The following SOX6 variants were observed in gnomAD, a reference collection of about 807,000 sequenced individuals.
SOX6 encodes the protein SRY-box transcription factor 6.
A neutral mutation model predicts 97.8 loss-of-function variants in SOX6; 11 were observed. The observed-to-expected ratio is 0.11, with a 90% CI of 0.07 to 0.19. The LOEUF is 0.19. Ranked by LOEUF, SOX6 falls within the 10% of genes least tolerant of loss-of-function variation. The pLI is 1.00. For synonymous variants in SOX6, 360 were observed against 371.4 expected (o/e 0.97, Z 0.35); for missense variants, 810 against 1,039.5 (o/e 0.78, Z 3.04).
chr11:16,229,171 T>C (rs938452964), intron 4 of SOX6, among the ~76,000 whole-genome samples: 1 of 152,102 alleles, frequency 6.6e-6, no homozygotes, highest in African/African-American at 2.4e-5. Context: ...TAAGAGAATA[T>C]GTGCAGTTAA....
At position 16,605,490 on chromosome 11, in the gene SOX6, G is replaced by T. The variant is rs1192908369; in HGVS notation, n.609+6591C>A. On this transcript the variant is annotated intron_variant and non_coding_transcript_variant, in intron 4 of 5. Coordinates refer to the SOX6 transcript ENST00000524520. The surrounding 1 kb of genome is among the most constrained non-coding windows in gnomAD (Gnocchi z 5.3). Reference sequence around the variant, plus strand: ...AAAAACGGGGGGAGGGGGAAGGAAGGGCGACAAGCGGAGGGAGCTGGAGGC... The same window carrying T: ...AAAAACGGGGGGAGGGGGAAGGAAGTGCGACAAGCGGAGGGAGCTGGAGGC... 6.6e-6 allele frequency among the ~76,000 whole-genome samples: 1 copy of T among 152,254 alleles called. No homozygotes were observed. Among genetic ancestry groups the T allele is most frequent in the Non-Finnish European group, 1.5e-5 (1 of 68,014 alleles).
chr11:16,680,949 T>C (rs1762152619), intron 3 of SOX6, among the ~76,000 whole-genome samples: 1 of 152,070 alleles, frequency 6.6e-6, no homozygotes, highest in Non-Finnish European at 1.5e-5. Flanking sequence ...AGCACCCAGA[T>C]TCATAAAAAC....
intron 4 of SOX6, among the ~76,000 whole-genome samples, chr11:16,499,935 A>G (rs1321408924): frequency 1.3e-5 from 2 of 152,224 alleles, no homozygotes; most frequent in African/African-American, 4.8e-5. Flanking sequence ...ATAGAAAAAG[A>G]GGGAATCCTC....
chr11:16,498,333 G>A lies in SOX6; in HGVS notation n.610-21945C>T, dbSNP rs565650455. ...GCACTAAACATGGAAAGGAACAACC[G>A]GTACCAGCCACTGCAAAAACATGCC... On this transcript the variant is annotated intron_variant and non_coding_transcript_variant, in intron 4 of 5. Transcript: ENST00000524520. Among the ~76,000 whole-genome samples, 977 of 152,192 alleles carry A rather than the reference G, an allele frequency of 6.4e-3. 4 individuals are homozygous for A. The highest frequency in any genetic ancestry group is 9.3e-3 in the Non-Finnish European group (635 of 68,014).
intron 3 of SOX6, among the ~76,000 whole-genome samples, chr11:16,240,867 A>G (rs1191127516): frequency 1.3e-5 from 2 of 152,074 alleles, no homozygotes; most frequent in Non-Finnish European, 2.9e-5. Flanking sequence ...AGCCCTAACT[A>G]CAGTGCAGTG....
intron 1 of SOX6, among the ~76,000 whole-genome samples, chr11:16,387,378 G>T (rs1007986208): frequency 1.3e-5 from 2 of 151,898 alleles, no homozygotes. Flanking sequence ...CACAAATCTT[G>T]CAAAAGATGC....
chr11:16,680,223 C>T (rs1054352976), intron 3 of SOX6, among the ~76,000 whole-genome samples: 1 of 152,170 alleles, frequency 6.6e-6, no homozygotes, highest in African/African-American at 2.4e-5. Flanking sequence ...AGTCGGGTTA[C>T]CCACAAAGGG....
intron 13 of SOX6, among the ~76,000 whole-genome samples, chr11:16,008,390 C>A (rs1312981103): frequency 6.6e-6 from 1 of 151,976 alleles, no homozygotes; most frequent in Non-Finnish European, 1.5e-5. Flanking sequence ...AAAAGCAGAT[C>A]TTTTTTTGTG....
upstream of SOX6, among the ~76,000 whole-genome samples, chr11:16,358,129 T>C (rs1305519432): frequency 6.6e-6 from 1 of 152,156 alleles, no homozygotes; most frequent in Admixed American, 6.6e-5. Flanking sequence ...AAAAAGCTGA[T>C]TTACTCCCCA....
At chr11:16,340,871 T>G in intron 2 of SOX6, 141 bp downstream of exon 2, 1 of 1,178,896 alleles carries the variant, frequency 8.5e-7, no homozygotes, top group Non-Finnish European at 1.2e-6. Context: ...TATTAGTATC[T>G]TAGTAATATG....
intron 3 of SOX6, among the ~76,000 whole-genome samples, chr11:16,296,845 T>G (rs1020702206): frequency 2.0e-5 from 3 of 152,016 alleles, no homozygotes; most frequent in Admixed American, 1.3e-4. Context: ...CTGGGTAATG[T>G]TATGGGCACA....
chr11:16,516,120 T>C (rs1860967045), intron 4 of SOX6, among the ~76,000 whole-genome samples: 1 of 149,894 alleles, frequency 6.7e-6, no homozygotes, highest in Admixed American at 6.7e-5. Flanking sequence ...TGGCATTGAA[T>C]CTGTAAATTA....
At chr11:16,368,479 C>T (rs761080915) in intron 1 of SOX6, among the ~76,000 whole-genome samples, 45 of 152,160 alleles carry the variant, frequency 3.0e-4, no homozygotes, top group Non-Finnish European at 5.7e-4. Context: ...GAGACCCTGT[C>T]TCAAAAATCA....
chr11:16,118,085 C>G (rs754030536), intron 6 of SOX6, among the ~76,000 whole-genome samples: 1 of 152,052 alleles, frequency 6.6e-6, no homozygotes, highest in Non-Finnish European at 1.5e-5. Flanking sequence ...CTAGATGTGG[C>G]CAAAATATAT....
intron 4 of SOX6, among the ~76,000 whole-genome samples, chr11:16,225,350 G>C (rs768225376): frequency 2.0e-5 from 3 of 151,544 alleles, no homozygotes; most frequent in Non-Finnish European, 2.9e-5. Context: ...AAATTTGTAA[G>C]TAGAAATTCA....
chr11:16,427,403 A>G (rs1192981642), intron 1 of SOX6, among the ~76,000 whole-genome samples: 1 of 151,400 alleles, frequency 6.6e-6, no homozygotes, highest in Non-Finnish European at 1.5e-5. Context: ...ATATGTATAC[A>G]TGTGCCCTGT....
chr11:16,397,476 C>T (rs555873439), intron 1 of SOX6: 19 of 151,988 alleles, frequency 1.3e-4, no homozygotes, highest in African/African-American at 4.6e-4. Flanking sequence ...GCCATTCCAC[C>T]CCGCTGCCTT....
chr11:16,056,342 T>A (rs1194147977), intron 9 of SOX6, among the ~76,000 whole-genome samples: 1 of 152,176 alleles, frequency 6.6e-6, no homozygotes, highest in Non-Finnish European at 1.5e-5. Context: ...AAGAACTGTA[T>A]CATTCTTATT....
At chr11:16,158,438 C>T (rs373386866) in intron 6 of SOX6, among the ~76,000 whole-genome samples, 6 of 151,996 alleles carry the variant, frequency 3.9e-5, no homozygotes, top group Admixed American at 3.9e-4. Flanking sequence ...TAATAGATTT[C>T]TTTTCCCACA....
Sources: allele counts gnomAD v4.1 joint callset (sites outside exome capture counted in the v4.1 genomes callset), GRCh38; gene constraint gnomAD v4.1.1; non-coding constraint Gnocchi (gnomAD v3.1); transcripts MANE v1.5; gene names NCBI Gene and HGNC (gene_info 2026-07-23, HGNC 2026-07-21).